Variants in ZNF267 observed in about 807,000 individuals in gnomAD.
ZNF267 encodes the protein zinc finger protein 267.
A neutral mutation model predicts 71.6 loss-of-function variants in ZNF267; 61 were observed. The ratio of observed to expected loss-of-function variants is 0.85; its 90% confidence interval spans 0.69 to 1.05. The LOEUF (loss-of-function observed/expected upper bound fraction) is 1.05, where lower values mean the gene tolerates loss of function less well. Ranked by LOEUF, ZNF267 falls within the 50% of genes least tolerant of loss-of-function variation. The pLI, the probability that ZNF267 is intolerant of heterozygous loss-of-function variation, is 0.00. For synonymous variants in ZNF267, 288 were observed against 293.2 expected, an observed-to-expected ratio of 0.98 and a Z score of 0.18; for missense variants, 852 against 870.0, an observed-to-expected ratio of 0.98 and a Z score of 0.26.
chr16:31,885,496 C>T (rs1343875449), intron 3 of ZNF267, among the ~76,000 whole-genome samples: 1 of 152,208 alleles, frequency 6.6e-6, no homozygotes, highest in African/African-American at 2.4e-5. Context: ...AGCCAAAGTG[C>T]TCCCCTTGGC....
At chr16:31,906,579 G>C (rs574348211) in intron 3 of ZNF267, among the ~76,000 whole-genome samples, 35 of 152,316 alleles carry the variant, frequency 2.3e-4, no homozygotes, top group South Asian at 1.4e-3. Flanking sequence ...CTCCGAGCCA[G>C]GTGCGGGATA....
At chr16:31,889,832 C>T (rs1263983039) in intron 3 of ZNF267, among the ~76,000 whole-genome samples, 1 of 152,170 alleles carries the variant, frequency 6.6e-6, no homozygotes, top group African/African-American at 2.4e-5. Flanking sequence ...TATTCAGACA[C>T]CCCATATTAG....
At chr16:31,889,644 G>A (rs146103517) in intron 3 of ZNF267, among the ~76,000 whole-genome samples, 49 of 152,226 alleles carry the variant, frequency 3.2e-4, no homozygotes, top group Non-Finnish European at 5.0e-4. Flanking sequence ...GGCTTCTGGC[G>A]AGGGCCTCAG....
Position 31,916,404 on chromosome 16 carries a change from G to A in ZNF267, c.2155G>A (p.Glu719Lys), listed in dbSNP as rs762809162. 3 of 1,613,658 alleles carry A rather than the reference G, an allele frequency of 1.9e-6. No homozygotes were observed. The highest frequency in any genetic ancestry group is 1.7e-4 in the Middle Eastern group (1 of 6,058). ...TAGTGGAGAGAGACCCTACAAATGT[G>A]AAGAATGTGGCAAAGCCTTTAACTC... ...SHSGERPYKC[E>K]ECGKAFNSRS... The change falls in exon 4 of 4, where the codon GAA becomes AAA. Residue 719 changes from glutamate to lysine, a missense_variant. Coordinates refer to ENST00000300870, the MANE Select transcript of ZNF267 (RefSeq NM_003414.6).
intron 1 of ZNF267, among the ~76,000 whole-genome samples, chr16:31,881,920 C>T (rs1225163023): frequency 6.6e-6 from 1 of 152,190 alleles, no homozygotes; most frequent in Admixed American, 6.5e-5. Context: ...CCCATCTTGG[C>T]TTCCCAAAGT....
intron 3 of ZNF267, among the ~76,000 whole-genome samples, chr16:31,897,422 A>G (rs1321238260): frequency 1.3e-5 from 2 of 152,126 alleles, no homozygotes; most frequent in African/African-American, 4.8e-5. Context: ...TTTACTATAT[A>G]CATGAGGATT....
chr16:31,910,966 G>A (rs1017461131), intron 3 of ZNF267, among the ~76,000 whole-genome samples: 18 of 151,544 alleles, frequency 1.2e-4, no homozygotes, highest in South Asian at 2.1e-4. Context: ...ATTGAGGAGC[G>A]TATTGTTTAA....
Position 31,915,113 on chromosome 16 carries a change from C to T in ZNF267, c.864C>T (p.Ile288=). Residue 288 remains isoleucine (I), a synonymous_variant, in exon 4 of 4, where the codon ATC becomes ATT. Coordinates refer to ENST00000300870, the MANE Select transcript of ZNF267 (RefSeq NM_003414.6). ...QSLKHIQHQT[I]HIRENSYSYN... is the part of the protein sequence containing the mutation. ...TAAAACATATTCAACATCAGACCAT[C>T]CATATCAGAGAAAACTCATATAGCT... 4 of 1,613,560 alleles carry T rather than the reference C, an allele frequency of 2.5e-6. No homozygotes were observed. Among genetic ancestry groups the T allele is most frequent in the Non-Finnish European group, 3.4e-6 (4 of 1,179,840 alleles).
intron 3 of ZNF267, among the ~76,000 whole-genome samples, chr16:31,887,730 A>G (rs141235445): frequency 0.01 from 1,569 of 152,102 alleles, 25 homozygotes; most frequent in African/African-American, 0.035. Context: ...ATTCTATTCC[A>G]TTGGTCTATG....
chr16:31,881,705 C>G (rs1481605742), intron 1 of ZNF267, among the ~76,000 whole-genome samples: 7 of 141,410 alleles, frequency 5.0e-5, no homozygotes, highest in Non-Finnish European at 1.1e-4. Context: ...CCGAATCTCA[C>G]TCTGTTGCCT....
chr16:31,874,303 T>G (rs2083836518), intron 1 of ZNF267: 1 of 282,940 alleles, frequency 3.5e-6, no homozygotes, highest in Non-Finnish European at 6.6e-6. Flanking sequence ...CCAGGTTCGG[T>G]GTGTGGGAAG....
chr16:31,891,390 T>G (rs1333131469), intron 3 of ZNF267, among the ~76,000 whole-genome samples: 1 of 152,226 alleles, frequency 6.6e-6, no homozygotes, highest in Non-Finnish European at 1.5e-5. Context: ...TATTAGTGTA[T>G]TCTGAATTTC....
At chr16:31,903,314 G>A (rs533851440) in intron 3 of ZNF267, among the ~76,000 whole-genome samples, 15 of 152,318 alleles carry the variant, frequency 9.8e-5, no homozygotes, top group Middle Eastern at 3.4e-3. Context: ...AATGAGTTAG[G>A]GAGGGATTCC....
chr16:31,910,317 G>A (rs1321052812), intron 3 of ZNF267, among the ~76,000 whole-genome samples: 1 of 151,646 alleles, frequency 6.6e-6, no homozygotes, highest in Non-Finnish European at 1.5e-5. Flanking sequence ...AAGTTTTTGA[G>A]TAGAGCTGGT....
At chr16:31,898,156 G>A (rs957535458) in intron 3 of ZNF267, among the ~76,000 whole-genome samples, 1 of 152,070 alleles carries the variant, frequency 6.6e-6, no homozygotes, top group Non-Finnish European at 1.5e-5. Context: ...TGTGACATTA[G>A]GTGCATATAT....
chr16:31,886,354 C>G (rs1237087801), intron 3 of ZNF267, among the ~76,000 whole-genome samples: 3 of 152,198 alleles, frequency 2.0e-5, no homozygotes, highest in Non-Finnish European at 2.9e-5. Flanking sequence ...TCCGATCACA[C>G]AGCAGGAGGT....
At chr16:31,892,745 G>A (rs368919633) in intron 3 of ZNF267, among the ~76,000 whole-genome samples, 2 of 152,236 alleles carry the variant, frequency 1.3e-5, no homozygotes, top group South Asian at 2.1e-4. Flanking sequence ...GATCTCCTTT[G>A]ACTCCATGTC....
At position 31,915,609 on chromosome 16, in the gene ZNF267, C is replaced by T; in HGVS notation, c.1360C>T (p.His454Tyr). ...AFNRSSCLTQ[H>Y]QTTHTGEKLY... ...TAACCGTAGTTCATGCCTTACTCAA[C>T]ATCAGACAACTCATACAGGAGAAAA... The change falls in exon 4 of 4, where the codon CAT becomes TAT. Residue 454 changes from histidine (H) to tyrosine (Y), a missense_variant. By Grantham distance (83) the His-to-Tyr change is moderately conservative (BLOSUM62 2). Coordinates refer to ENST00000300870, the MANE Select transcript of ZNF267 (RefSeq NM_003414.6). The T allele has an allele frequency of 6.2e-7, 1 of 1,613,792 alleles. No individual in the cohort carries two copies. The highest frequency in any genetic ancestry group is 8.5e-7 in the Non-Finnish European group (1 of 1,179,960).
intron 2 of ZNF267, 53 bp downstream of exon 2, chr16:31,884,677 T>C (rs750813909): frequency 6.4e-7 from 1 of 1,560,934 alleles, no homozygotes; most frequent in East Asian, 2.3e-5. Flanking sequence ...TTATTTTCTT[T>C]TCAGAATGTC....
Sources: gnomAD v4.1 joint callset for allele counts (sites outside exome capture counted in the v4.1 genomes callset) on GRCh38, gnomAD v4.1.1 for gene constraint, MANE v1.5 for transcripts, NCBI Gene and HGNC (gene_info 2026-07-23, HGNC 2026-07-21) for gene names.